UBA6: variants seen among roughly 807,000 people sequenced by gnomAD.
The protein encoded by UBA6 is ubiquitin like modifier activating enzyme 6.
In UBA6, 87 loss-of-function variants were observed where a neutral mutation model predicts 148.3. The ratio of observed to expected loss-of-function variants is 0.59; its 90% CI spans 0.49 to 0.70. The LOEUF (loss-of-function observed/expected upper bound fraction) is 0.70. Ranked by LOEUF, UBA6 falls within the 30% of genes least tolerant of loss-of-function variation. UBA6 has a pLI of 0.00. For synonymous variants in UBA6, 376 were observed against 401.0 expected, an observed-to-expected ratio of 0.94 and a Z score of 0.75; for missense variants, 1,186 against 1,241.2, an observed-to-expected ratio of 0.96 and a Z score of 0.67.
chr4:67,692,551 A>T (rs1448886659), intron 2 of UBA6, among the ~76,000 whole-genome samples: 1 of 152,030 alleles, frequency 6.6e-6, no homozygotes, highest in Admixed American at 6.6e-5. Context: ...CTGGACAAGA[A>T]CCCTTTTTCT....
Position 67,618,376 on chromosome 4 carries a change from G to A in UBA6, c.*621C>T, listed in dbSNP as rs35366816. 0.23 allele frequency: 35,113 copies of A among 152,504 alleles called. 4,191 individuals are homozygous for A. Among genetic ancestry groups the A allele is most frequent in the Middle Eastern group, 0.29 (86 of 292 alleles). The allele number at this position is 152,504 out of a possible 1,614,324, so 9.4% of individuals were successfully genotyped here. ...TCTGACCTATTGCTCCTACAACACT[G>A]ATGCTATCAACAAAAATCCTGATTT... On this transcript the variant is annotated 3_prime_UTR_variant, in exon 33 of 33. Coordinates refer to ENST00000322244, the MANE Select transcript of UBA6 (RefSeq NM_018227.6).
chr4:67,622,901 T>C lies in UBA6; in HGVS notation c.2953A>G (p.Met985Val), dbSNP rs2109893626. 2.5e-6 allele frequency: 4 copies of C among 1,612,354 alleles called. No individual in the cohort carries two copies. The highest frequency in any genetic ancestry group is 2.2e-5 in the East Asian group (1 of 44,802). Residue 985 changes from methionine (M) to valine (V), a missense_variant, in exon 32 of 33, where the codon ATG becomes GTG. Coordinates refer to ENST00000322244, the MANE Select transcript of UBA6 (RefSeq NM_018227.6). ...AGCATTTTGACTCCCTGTACCACCA[T>C]TGTTGGCTCAATTCCATACTTCTCC... ...VKEKYGIEPT[M>V]VVQGVKMLYV...
At chr4:67,637,149 C>T (rs1396259101) in intron 19 of UBA6, among the ~76,000 whole-genome samples, 59 of 149,330 alleles carry the variant, frequency 4.0e-4, no homozygotes, top group African/African-American at 1.3e-3. Context: ...GGAGCGTCTC[C>T]GCCCGGCAGC....
chr4:67,695,443 T>C lies in UBA6; in HGVS notation c.134+1202A>G, dbSNP rs550025084. On this transcript the variant is annotated intron_variant, in intron 2 of 32. Coordinates refer to ENST00000322244, the MANE Select transcript of UBA6 (RefSeq NM_018227.6). ...GTATTACAAATATCACACACATCATTTCTGATCACCCTATCAATAAAATGG... is the reference window on the plus strand; with the variant it reads ...GTATTACAAATATCACACACATCATCTCTGATCACCCTATCAATAAAATGG... Among the ~76,000 whole-genome samples the C allele has an allele frequency of 2.0e-5, 3 of 152,306 alleles. No homozygotes were observed. The East Asian group carries it at 5.8e-4, about 29-fold the overall frequency.
chr4:67,660,568 G>A (rs1347927012), intron 13 of UBA6, among the ~76,000 whole-genome samples: 1 of 152,206 alleles, frequency 6.6e-6, no homozygotes, highest in Non-Finnish European at 1.5e-5. Context: ...CTAGCTTTTA[G>A]AGGATGTATG....
Position 67,634,342 on chromosome 4 carries a change from A to C in UBA6, c.1933-20T>G. 1 of 1,568,486 alleles carries C rather than the reference A, an allele frequency of 6.4e-7. No homozygotes were observed. Among genetic ancestry groups the C allele is most frequent in the Non-Finnish European group, 8.6e-7 (1 of 1,165,450 alleles). ...TTCAAACTGTAACAGAGAAAAGAAA[A>C]AAAAAATTACAAATAGAAGTCTGTT... is the stretch of plus-strand genomic sequence containing the variant. On this transcript the variant is annotated intron_variant, in intron 21 of 32. Coordinates refer to ENST00000322244, the MANE Select transcript of UBA6 (RefSeq NM_018227.6).
In UBA6 at chr4:67,694,215, C is replaced by CAAAAAAAA. The variant is rs769649769; in HGVS notation, c.134+2422_134+2429dup. On this transcript the variant is annotated intron_variant, in intron 2 of 32. Transcript: ENST00000322244. ...TGGATGACAGAGCAAGACTCCATCT[C>CAAAAAAAA]AAAAAAAAAAAAAAAAAAAAAAAAA... 1.7e-3 allele frequency among the ~76,000 whole-genome samples: 70 copies of CAAAAAAAA among 41,878 alleles called. 3 individuals are homozygous for CAAAAAAAA. The highest frequency in any genetic ancestry group is 1.9e-3 in the Non-Finnish European group (46 of 24,848). 27.5% of individuals were successfully genotyped at this position (41,878 alleles called of 152,430 possible).
At chr4:67,630,602 T>A (rs1728975345) in intron 25 of UBA6, 67 bp from the exon 26 acceptor site, 2 of 961,742 alleles carry the variant, frequency 2.1e-6, no homozygotes, top group African/African-American at 3.4e-5. Context: ...TAACTCATTA[T>A]GAACTATAGC....
At chr4:67,681,906 T>C (rs992720364) in intron 3 of UBA6, among the ~76,000 whole-genome samples, 1 of 152,200 alleles carries the variant, frequency 6.6e-6, no homozygotes, top group African/African-American at 2.4e-5. Context: ...TTAATGGCTA[T>C]TAACATCACA....
At chr4:67,699,171 G>C (rs1730911341) in intron 1 of UBA6, among the ~76,000 whole-genome samples, 1 of 152,184 alleles carries the variant, frequency 6.6e-6, no homozygotes, top group African/African-American at 2.4e-5. Flanking sequence ...CAGGTACAGG[G>C]AACCAGTCTG....
chr4:67,643,361 GCTGA>G (rs1261841496), intron 17 of UBA6, among the ~76,000 whole-genome samples: 1 of 151,894 alleles, frequency 6.6e-6, no homozygotes, highest in Non-Finnish European at 1.5e-5. Flanking sequence ...TTTAATGAAG[GCTGA>G]CTTTTTCTGC....
rs1399326456 is a variant in UBA6 at position 67,614,372 on chromosome 4, C to T, written c.*4625G>A. 6.6e-6 allele frequency: 1 copy of T among 152,148 alleles called. No individual in the cohort carries two copies. The highest frequency in any genetic ancestry group is 2.4e-5 in the African/African-American group (1 of 41,420). The allele number at this position is 152,148 out of a possible 1,614,324, so 9.4% of individuals were successfully genotyped here. A position where few individuals can be genotyped will look rare whatever the true frequency, so the allele number is the denominator to read the frequency against. On this transcript the variant is annotated 3_prime_UTR_variant, in exon 33 of 33. Transcript: ENST00000322244. ...GACCTCCTGAGGGCTGGGTCACAGG[C>T]CATGGTCACTCATATTTGGCTCAGA...
intron 27 of UBA6, among the ~76,000 whole-genome samples, chr4:67,628,623 C>T (rs1407002513): frequency 1.3e-5 from 2 of 151,828 alleles, no homozygotes; most frequent in Non-Finnish European, 1.5e-5. Context: ...TAGTCCCTCT[C>T]CGCCCAAAAT....
chr4:67,624,301 C>A, intron 29 of UBA6, 48 bp from the exon 30 acceptor site: 4 of 1,516,172 alleles, frequency 2.6e-6, no homozygotes, highest in South Asian at 2.7e-5. Flanking sequence ...TAAAACTATC[C>A]GTGATTTTAA....
chr4:67,652,452 CA>C (rs1729574492), intron 13 of UBA6, among the ~76,000 whole-genome samples: 1 of 152,184 alleles, frequency 6.6e-6, no homozygotes, highest in South Asian at 2.1e-4. Context: ...AAGGAAGATG[CA>C]GCACAACTGA....
At chr4:67,675,818 C>A (rs1344176539) in intron 6 of UBA6, among the ~76,000 whole-genome samples, 1 of 151,990 alleles carries the variant, frequency 6.6e-6, no homozygotes, top group Non-Finnish European at 1.5e-5. Context: ...AATAAAAATT[C>A]TTTGAGGTTT....
intron 2 of UBA6, among the ~76,000 whole-genome samples, chr4:67,689,283 A>G (rs1481380794): frequency 6.6e-6 from 1 of 152,130 alleles, no homozygotes; most frequent in African/African-American, 2.4e-5. Context: ...AATATTTTCA[A>G]CTTATGGGTT....
At chr4:67,647,093 T>G (rs757906978) in intron 14 of UBA6, among the ~76,000 whole-genome samples, 1 of 152,194 alleles carries the variant, frequency 6.6e-6, no homozygotes, top group Non-Finnish European at 1.5e-5. Context: ...AATCTATTTT[T>G]CATAACTACA....
rs1577825350 is a variant in UBA6, at chr4:67,668,455, GTCTC to G, written c.793+92_793+95del. 4.3e-6 allele frequency: 5 copies of G among 1,175,326 alleles called. No individual in the cohort carries two copies. In the East Asian group the frequency reaches 1.2e-4, roughly 28 times the overall value. The allele number at this position is 1,175,326 out of a possible 1,614,324, so 72.8% of individuals were successfully genotyped here. A position where few individuals can be genotyped will look rare whatever the true frequency, so the allele number is the denominator to read the frequency against. On this transcript the variant is annotated intron_variant, in intron 9 of 32. Coordinates refer to ENST00000322244, the MANE Select transcript of UBA6 (RefSeq NM_018227.6). Reference sequence around the variant, plus strand: ...TTTGAGGCCAAGGGCTTTGGATCATGTCTCTCTGAGTTGACATTCTGTTCCCAAC... The same window carrying G: ...TTTGAGGCCAAGGGCTTTGGATCATGTCTGAGTTGACATTCTGTTCCCAAC...
Sources: allele counts gnomAD v4.1 joint callset (sites outside exome capture counted in the v4.1 genomes callset), GRCh38; gene constraint gnomAD v4.1.1; transcripts MANE v1.5; gene names NCBI Gene and HGNC (gene_info 2026-07-23, HGNC 2026-07-21).